ZSWIM5: variants seen among roughly 807,000 people sequenced by gnomAD.
ZSWIM5 encodes the protein zinc finger SWIM domain-containing protein 5.
A neutral mutation model predicts 119.6 loss-of-function variants in ZSWIM5; 55 were observed. That is an observed-to-expected ratio of 0.46 (90% CI 0.37 to 0.58). The LOEUF is 0.58. ZSWIM5 is among the 20% of genes least tolerant of loss of function. The probability of loss-of-function intolerance (pLI) is 0.00; values close to 1 mark genes in which losing one functional copy is unlikely to be tolerated. For synonymous variants in ZSWIM5, 537 were observed against 606.9 expected (o/e 0.88, Z 1.69); for missense variants, 1,193 against 1,512.8 (o/e 0.79, Z 3.51).
intron 1 of ZSWIM5, among the ~76,000 whole-genome samples, chr1:45,142,582 G>C (rs1009967244): frequency 6.6e-6 from 1 of 151,946 alleles, no homozygotes; most frequent in Non-Finnish European, 1.5e-5. Flanking sequence ...CAAACTCCTG[G>C]ACTCAAGCAA....
chr1:45,037,631 T>C (rs913406425), intron 8 of ZSWIM5, among the ~76,000 whole-genome samples: 2 of 152,194 alleles, frequency 1.3e-5, no homozygotes, highest in Admixed American at 6.5e-5. Flanking sequence ...GTTTCCAAGA[T>C]GTAAATGTCA....
chr1:45,165,013 A>G (rs1053004283), intron 1 of ZSWIM5, among the ~76,000 whole-genome samples: 1 of 152,112 alleles, frequency 6.6e-6, no homozygotes, highest in Non-Finnish European at 1.5e-5. Flanking sequence ...CAGAATATAC[A>G]TTCTTCTCAG....
intron 11 of ZSWIM5, among the ~76,000 whole-genome samples, chr1:45,021,047 T>C (rs1644884711): frequency 6.6e-6 from 1 of 151,998 alleles, no homozygotes; most frequent in East Asian, 1.9e-4. Context: ...GATCCTTTTT[T>C]TTTTTGGAGA....
intron 1 of ZSWIM5, among the ~76,000 whole-genome samples, chr1:45,121,237 C>A (rs572280879): frequency 4.2e-4 from 64 of 152,324 alleles, no homozygotes; most frequent in South Asian, 1.2e-3. Flanking sequence ...AGGCGTGAGC[C>A]ACAGCACCCG....
intron 12 of ZSWIM5, 40 bp downstream of exon 12, chr1:45,020,585 C>G: frequency 6.3e-7 from 1 of 1,598,736 alleles, no homozygotes; most frequent in Non-Finnish European, 8.5e-7. Flanking sequence ...GTCACTAGGT[C>G]AGCGGTCTAA....
At chr1:45,193,562 A>G (rs868159053) in intron 1 of ZSWIM5, among the ~76,000 whole-genome samples, 32 of 152,166 alleles carry the variant, frequency 2.1e-4, no homozygotes, top group South Asian at 1.0e-3. Flanking sequence ...TGAGGACTAG[A>G]AAAAAGATAC....
At chr1:45,115,676 C>T (rs1221417317) in intron 1 of ZSWIM5, among the ~76,000 whole-genome samples, 2 of 149,504 alleles carry the variant, frequency 1.3e-5, no homozygotes, top group Non-Finnish European at 3.0e-5. Flanking sequence ...CAGAGGGGCT[C>T]CTCACATCCC....
intron 1 of ZSWIM5, among the ~76,000 whole-genome samples, chr1:45,195,820 C>G (rs1394248156): frequency 1.3e-5 from 2 of 150,550 alleles, no homozygotes; most frequent in East Asian, 3.9e-4. Flanking sequence ...TGACTGCCAA[C>G]AACAGGTTCA....
Position 45,019,112 on chromosome 1 carries a change from A to G in ZSWIM5, c.2900T>C (p.Leu967Pro). The change falls in exon 14 of 14, where the codon CTG (leucine) becomes CCG (proline). Residue 967 changes from leucine to proline, a missense_variant. Leu to Pro is a moderately conservative substitution (Grantham distance 98). Coordinates refer to ENST00000359600, the MANE Select transcript of ZSWIM5 (RefSeq NM_020883.2). This position sits in a 1 kb window ranked among gnomAD's most constrained non-coding sequence, Gnocchi z 5.0. ...TTTCTCACAGAGTGTAAGGGCTGAC[A>G]GGGCACAGCTCTGTGGATCCTTCAT... ...CAMKDPQSCA[L>P]SALTLCEKDH... The G allele has an allele frequency of 6.2e-7, 1 of 1,614,168 alleles. No individual in the cohort carries two copies. Among genetic ancestry groups the G allele is most frequent in the Non-Finnish European group, 8.5e-7 (1 of 1,180,026 alleles).
chr1:45,188,521 G>A (rs547411830), intron 1 of ZSWIM5, among the ~76,000 whole-genome samples: 68 of 152,270 alleles, frequency 4.5e-4, no homozygotes, highest in African/African-American at 1.6e-3. Context: ...CTGTGGTGAA[G>A]GCAGCCCCTA....
intron 1 of ZSWIM5, among the ~76,000 whole-genome samples, chr1:45,103,437 A>G (rs1645451879): frequency 6.6e-6 from 1 of 152,254 alleles, no homozygotes; most frequent in African/African-American, 2.4e-5. Flanking sequence ...CTAAGATCAC[A>G]CAACCTGTAA....
intron 1 of ZSWIM5, among the ~76,000 whole-genome samples, chr1:45,173,773 T>A (rs1645959774): frequency 6.6e-6 from 1 of 152,168 alleles, no homozygotes; most frequent in South Asian, 2.1e-4. Context: ...TAGCTTTTAA[T>A]ATTGTTATTA....
intron 11 of ZSWIM5, 101 bp downstream of exon 11, chr1:45,034,211 G>A: frequency 9.4e-6 from 13 of 1,383,274 alleles, no homozygotes; most frequent in Admixed American, 2.4e-5. Context: ...AAATGGTCAA[G>A]GAGCTTCTCT....
intron 1 of ZSWIM5, among the ~76,000 whole-genome samples, chr1:45,174,764 T>C (rs780546169): frequency 6.3e-4 from 96 of 151,832 alleles, no homozygotes; most frequent in Non-Finnish European, 1.1e-3. Flanking sequence ...GATTATCATA[T>C]TTATCCCTTT....
At chr1:45,126,044 G>T (rs768014121) in intron 1 of ZSWIM5, among the ~76,000 whole-genome samples, 1 of 151,700 alleles carries the variant, frequency 6.6e-6, no homozygotes, top group Non-Finnish European at 1.5e-5. Context: ...CTCCAGCTTG[G>T]GTGACAGAGC....
intron 2 of ZSWIM5, among the ~76,000 whole-genome samples, chr1:45,063,223 T>G (rs1465230514): frequency 6.6e-6 from 1 of 152,212 alleles, no homozygotes; most frequent in Non-Finnish European, 1.5e-5. Context: ...TCCAATCCAC[T>G]GCTGTTGGGC....
intron 1 of ZSWIM5, among the ~76,000 whole-genome samples, chr1:45,114,498 T>G (rs1645535833): frequency 6.6e-6 from 1 of 152,124 alleles, no homozygotes; most frequent in Non-Finnish European, 1.5e-5. Flanking sequence ...CTAACAGAAT[T>G]AAAGAAGACA....
chr1:45,059,124 T>A (rs1183102926), intron 3 of ZSWIM5, among the ~76,000 whole-genome samples: 4 of 152,200 alleles, frequency 2.6e-5, no homozygotes, highest in Non-Finnish European at 5.9e-5. Context: ...AGTTACCATA[T>A]GACCCATCAA....
intron 1 of ZSWIM5, among the ~76,000 whole-genome samples, chr1:45,190,994 C>T (rs1341427347): frequency 7.7e-6 from 1 of 130,014 alleles, no homozygotes; most frequent in Non-Finnish European, 1.6e-5. Context: ...TCGCCCAGGC[C>T]GGAGTGCAGT....
Sources: gnomAD v4.1 joint callset for allele counts (sites outside exome capture counted in the v4.1 genomes callset) on GRCh38, gnomAD v4.1.1 for gene constraint, Gnocchi (gnomAD v3.1) non-coding constraint, MANE v1.5 for transcripts, NCBI Gene and HGNC (gene_info 2026-07-23, HGNC 2026-07-21) for gene names.